CDH13: variants seen among roughly 807,000 people sequenced by gnomAD.
CDH13 encodes cadherin-13.
CDH13 carries 24 observed loss-of-function variants against 63.8 expected under a neutral mutation model. The observed-to-expected ratio is 0.38, with a 90% CI of 0.27 to 0.53. The LOEUF (loss-of-function observed/expected upper bound fraction) is 0.53, where lower values mean the gene tolerates loss of function less well. Among genes scored for constraint, CDH13 ranks in the 20% least tolerant of loss-of-function variants. The pLI is 0.85. For synonymous variants in CDH13, 503 were observed against 355.3 expected, an observed-to-expected ratio of 1.42 and a Z score of -4.67; for missense variants, 1,049 against 903.1, an observed-to-expected ratio of 1.16 and a Z score of -2.07.
intron 4 of CDH13, chr16:83,171,382 G>A: frequency 1.4e-6 from 1 of 708,932 alleles, no homozygotes; most frequent in South Asian, 1.7e-5. Context: ...CTGCCACCAG[G>A]CCCCACCTCC....
intron 1 of CDH13, among the ~76,000 whole-genome samples, chr16:82,842,177 T>C (rs374492765): frequency 0.27 from 33,745 of 126,490 alleles, 5,569 homozygotes; most frequent in Non-Finnish European, 0.34. Flanking sequence ...CACACACACA[T>C]ATATATACAC....
At chr16:82,792,869 T>G (rs1025417519) in intron 1 of CDH13, among the ~76,000 whole-genome samples, 1 of 152,200 alleles carries the variant, frequency 6.6e-6, no homozygotes, top group South Asian at 2.1e-4. Flanking sequence ...GCTAATTGAT[T>G]TGTAAGAAAG....
intron 1 of CDH13, chr16:82,727,654 A>G (rs1302356186): frequency 6.6e-6 from 1 of 152,178 alleles, no homozygotes; most frequent in Non-Finnish European, 1.5e-5. Context: ...AAGACTGGAG[A>G]AAGTGTCAGA....
intron 10 of CDH13, among the ~76,000 whole-genome samples, chr16:83,696,265 A>C (rs1292693554): frequency 6.6e-6 from 1 of 152,178 alleles, no homozygotes; most frequent in African/African-American, 2.4e-5. Flanking sequence ...TTAAAAAGTC[A>C]TGCTCAGTAG....
At chr16:83,092,302 C>T (rs936401672) in intron 3 of CDH13, among the ~76,000 whole-genome samples, 6 of 152,174 alleles carry the variant, frequency 3.9e-5, no homozygotes, top group African/African-American at 1.2e-4. Flanking sequence ...CCACTGTCAC[C>T]GTGTTGATTT....
At chr16:83,031,875 T>G in intron 2 of CDH13, 135 bp from the exon 3 acceptor site, 1 of 687,542 alleles carries the variant, frequency 1.5e-6, no homozygotes, top group Non-Finnish European at 2.5e-6. Flanking sequence ...CATCTTGCTG[T>G]GGGATAAAAC....
At chr16:83,028,828 C>G (rs1368221886) in intron 2 of CDH13, among the ~76,000 whole-genome samples, 1 of 152,102 alleles carries the variant, frequency 6.6e-6, no homozygotes, top group Non-Finnish European at 1.5e-5. Flanking sequence ...GAAAGCCAAG[C>G]CATGGAGATG....
intron 6 of CDH13, among the ~76,000 whole-genome samples, chr16:83,416,055 G>T (rs957037905): frequency 2.0e-5 from 3 of 152,086 alleles, no homozygotes; most frequent in African/African-American, 7.2e-5. Context: ...GTAAATTTGT[G>T]GGATACAAAA....
chr16:82,941,683 G>A (rs1413553627), intron 2 of CDH13, among the ~76,000 whole-genome samples: 1 of 152,094 alleles, frequency 6.6e-6, no homozygotes, highest in East Asian at 1.9e-4. Context: ...TTTGTTGCTT[G>A]TACCGAGCTC....
At chr16:83,008,500 C>T (rs1913780094) in intron 2 of CDH13, among the ~76,000 whole-genome samples, 1 of 152,148 alleles carries the variant, frequency 6.6e-6, no homozygotes, top group East Asian at 1.9e-4. Context: ...GAGAGTAGCA[C>T]AAAATGCGTA....
intron 8 of CDH13, among the ~76,000 whole-genome samples, chr16:83,635,120 A>G (rs1911137630): frequency 6.6e-6 from 1 of 152,136 alleles, no homozygotes; most frequent in Non-Finnish European, 1.5e-5. Context: ...TCTGTTCAGC[A>G]TATAGTAATA....
chr16:83,186,075 G>T (rs141657993), intron 4 of CDH13, among the ~76,000 whole-genome samples: 1 of 138,718 alleles, frequency 7.2e-6, no homozygotes, highest in African/African-American at 2.5e-5. Context: ...ATTTTTAAAG[G>T]CATCTTTTTA....
chr16:83,684,172 G>T (rs1208682369), intron 10 of CDH13, among the ~76,000 whole-genome samples: 1 of 152,140 alleles, frequency 6.6e-6, no homozygotes, highest in Non-Finnish European at 1.5e-5. Flanking sequence ...TTCGAGACCA[G>T]CCTGGCCAAC....
chr16:83,070,343 A>T (rs2032340323), intron 3 of CDH13, among the ~76,000 whole-genome samples: 1 of 152,208 alleles, frequency 6.6e-6, no homozygotes, highest in African/African-American at 2.4e-5. Context: ...TCTGGCCATA[A>T]GTACCAAGGA....
At chr16:83,566,336 A>C (rs567320475) in intron 7 of CDH13, among the ~76,000 whole-genome samples, 197 of 152,314 alleles carry the variant, frequency 1.3e-3, no homozygotes, top group Admixed American at 2.5e-3. Flanking sequence ...CCCTTTCCCC[A>C]ACATGGGGCA....
At chr16:83,405,256 A>T (rs7500449) in intron 6 of CDH13, among the ~76,000 whole-genome samples, 8 of 152,232 alleles carry the variant, frequency 5.3e-5, no homozygotes, top group African/African-American at 1.9e-4. Flanking sequence ...AAAAAAGCTT[A>T]TCCCCCATCC....
At chr16:82,673,672 C>A (rs927855394) in intron 1 of CDH13, among the ~76,000 whole-genome samples, 2 of 152,132 alleles carry the variant, frequency 1.3e-5, no homozygotes, top group South Asian at 2.1e-4. Context: ...CATATTTAAA[C>A]CTATGTTGAG....
At chr16:83,436,733 C>T (rs1408356678) in intron 6 of CDH13, among the ~76,000 whole-genome samples, 1 of 152,308 alleles carries the variant, frequency 6.6e-6, no homozygotes, top group South Asian at 2.1e-4. Flanking sequence ...AGTTGGAAAC[C>T]TTTGGCCAAC....
chr16:82,991,845 T>C (rs971276152), intron 2 of CDH13, among the ~76,000 whole-genome samples: 3 of 152,068 alleles, frequency 2.0e-5, no homozygotes, highest in African/African-American at 7.2e-5. Flanking sequence ...TTTAAAACTT[T>C]AATTCTGCCA....
Sources: allele counts gnomAD v4.1 joint callset (sites outside exome capture counted in the v4.1 genomes callset), GRCh38; gene constraint gnomAD v4.1.1; transcripts MANE v1.5; gene names NCBI Gene and HGNC (gene_info 2026-07-23, HGNC 2026-07-21).